The following FBLN5 variants were observed in gnomAD, a reference collection of about 807,000 sequenced individuals.
FBLN5 encodes the protein fibulin-5.
In FBLN5, 24 loss-of-function variants were observed where a neutral mutation model predicts 61.6. That is an observed-to-expected ratio of 0.39 (90% CI 0.28 to 0.55). The LOEUF is 0.55. FBLN5 is among the 20% of genes least tolerant of loss of function. The pLI is 0.65. For missense variants in FBLN5, 470 were observed against 594.1 expected (o/e 0.79, Z 2.17); for synonymous variants, 213 against 219.8 (o/e 0.97, Z 0.27).
intron 4 of FBLN5, among the ~76,000 whole-genome samples, chr14:91,913,637 T>G (rs1316599949): frequency 6.6e-6 from 1 of 152,222 alleles, no homozygotes; most frequent in Non-Finnish European, 1.5e-5. Flanking sequence ...TGAGCAGAGA[T>G]AATTCTTCTA....
At chr14:91,928,154 C>T (rs771252642) in intron 4 of FBLN5, among the ~76,000 whole-genome samples, 2 of 152,246 alleles carry the variant, frequency 1.3e-5, no homozygotes, top group Non-Finnish European at 2.9e-5. Flanking sequence ...TGTCAGCAGG[C>T]ATGTGTGCTG....
intron 10 of FBLN5, among the ~76,000 whole-genome samples, chr14:91,872,081 G>A (rs975675713): frequency 3.9e-5 from 6 of 152,130 alleles, no homozygotes; most frequent in South Asian, 2.1e-4. Context: ...AGGTGGGGGG[G>A]CCCTGGCTGT....
Position 91,882,768 on chromosome 14 carries a change from AGAC to A in FBLN5, c.862+183_862+185del, listed in dbSNP as rs1889536631. On this transcript the variant is annotated intron_variant, in intron 8 of 10. Transcript: ENST00000342058. This position sits in a 1 kb window ranked among gnomAD's most constrained non-coding sequence, Gnocchi z 4.9. Reference sequence around the variant, plus strand: ...CCAAAGGACGGGTTACAGGGAAGGAAGACAACAGGCCAGGCATCCTGCCCAGAG... The same window carrying A: ...CCAAAGGACGGGTTACAGGGAAGGAAAACAGGCCAGGCATCCTGCCCAGAG... Among the ~76,000 whole-genome samples, 1 of 152,212 alleles carries A rather than the reference AGAC, an allele frequency of 6.6e-6. No individual in the cohort carries two copies. The highest frequency in any genetic ancestry group is 1.5e-5 in the Non-Finnish European group (1 of 68,022).
At chr14:91,916,211 C>T (rs939656023) in intron 4 of FBLN5, among the ~76,000 whole-genome samples, 3 of 152,034 alleles carry the variant, frequency 2.0e-5, no homozygotes, top group African/African-American at 4.8e-5. Flanking sequence ...TTTGGGAGGC[C>T]GAGGTAGGTG....
In FBLN5 at chr14:91,947,270, A is replaced by T; in HGVS notation, c.-41T>A. 1 of 1,613,830 alleles carries T rather than the reference A, an allele frequency of 6.2e-7. No individual in the cohort carries two copies. On this transcript the variant is annotated 5_prime_UTR_variant, in exon 1 of 11. Coordinates refer to ENST00000342058, the MANE Select transcript of FBLN5 (RefSeq NM_006329.4). The surrounding 1 kb of genome is among the most constrained non-coding windows in gnomAD (Gnocchi z 4.3). The stretch of plus-strand genomic sequence containing the variant: ...GGAGGAGATGCGAAGGCGAGAAGAA[A>T]GCTCGCGGGCGGGACCCCCGGAGGA...
intron 3 of FBLN5, among the ~76,000 whole-genome samples, chr14:91,938,888 G>A (rs1239128358): frequency 6.6e-6 from 1 of 152,200 alleles, no homozygotes; most frequent in Non-Finnish European, 1.5e-5. Flanking sequence ...CCAGCTTGAA[G>A]CCTGAAGCCA....
intron 5 of FBLN5, among the ~76,000 whole-genome samples, chr14:91,894,581 G>A (rs1287995494): frequency 6.6e-6 from 1 of 151,932 alleles, no homozygotes; most frequent in Admixed American, 6.6e-5. Flanking sequence ...AATTATCTGG[G>A]CGTGGTGGCA....
intron 4 of FBLN5, among the ~76,000 whole-genome samples, chr14:91,919,488 G>A (rs1209220876): frequency 6.6e-6 from 1 of 152,116 alleles, no homozygotes; most frequent in African/African-American, 2.4e-5. Flanking sequence ...AGAGGGCTGT[G>A]TCCTGTGTTA....
chr14:91,888,023 G>C (rs929584234), intron 6 of FBLN5, among the ~76,000 whole-genome samples: 3 of 152,202 alleles, frequency 2.0e-5, no homozygotes, highest in Non-Finnish European at 2.9e-5. Flanking sequence ...GAAGGACCAG[G>C]CATAGTGGCT....
chr14:91,937,318 G>A, intron 3 of FBLN5, 117 bp from the exon 4 acceptor site: 1 of 1,329,388 alleles, frequency 7.5e-7, no homozygotes, highest in Non-Finnish European at 1.1e-6. Flanking sequence ...ACCTAGGGTG[G>A]TCCCAACTCA....
At chr14:91,891,756 T>A (rs1290032694) in intron 5 of FBLN5, among the ~76,000 whole-genome samples, 1 of 152,184 alleles carries the variant, frequency 6.6e-6, no homozygotes, top group Admixed American at 6.5e-5. Flanking sequence ...ATGTTAAGAT[T>A]CAACTCAAAG....
At chr14:91,893,630 C>A (rs1890088042) in intron 5 of FBLN5, among the ~76,000 whole-genome samples, 1 of 152,208 alleles carries the variant, frequency 6.6e-6, no homozygotes, top group African/African-American at 2.4e-5. Context: ...AGAAATCACA[C>A]CCTAGAATTA....
intron 4 of FBLN5, among the ~76,000 whole-genome samples, chr14:91,936,669 A>G (rs1244467676): frequency 6.6e-6 from 1 of 152,248 alleles, no homozygotes; most frequent in Non-Finnish European, 1.5e-5. Context: ...AGTTATAGAT[A>G]GATAGATACA....
At chr14:91,913,806 T>C (rs1424222011) in intron 4 of FBLN5, among the ~76,000 whole-genome samples, 1 of 152,216 alleles carries the variant, frequency 6.6e-6, no homozygotes, top group Non-Finnish European at 1.5e-5. Context: ...AATTAAGTTA[T>C]AAATCAATAA....
intron 4 of FBLN5, among the ~76,000 whole-genome samples, chr14:91,920,555 G>C (rs1338902675): frequency 6.6e-6 from 1 of 152,156 alleles, no homozygotes; most frequent in Non-Finnish European, 1.5e-5. Context: ...GGCCTGCCAG[G>C]TGATCTTGGA....
intron 7 of FBLN5, among the ~76,000 whole-genome samples, chr14:91,886,530 T>G (rs113655279): frequency 6.6e-6 from 1 of 152,230 alleles, no homozygotes; most frequent in East Asian, 1.9e-4. Flanking sequence ...GCAGAAAATC[T>G]TATTTCCTTG....
At chr14:91,909,515 C>T (rs1488603197) in intron 4 of FBLN5, among the ~76,000 whole-genome samples, 1 of 152,120 alleles carries the variant, frequency 6.6e-6, no homozygotes. Flanking sequence ...AACTAAAATT[C>T]TTAGGTCGAT....
At chr14:91,902,277 GTTTGT>G (rs1220743148) in intron 4 of FBLN5, among the ~76,000 whole-genome samples, 2 of 48,808 alleles carry the variant, frequency 4.1e-5, no homozygotes, top group African/African-American at 5.6e-5. Context: ...TTGTTTGTTT[GTTTGT>G]TTTTTTTTTT....
chr14:91,904,469 T>C (rs1364592327), intron 4 of FBLN5, among the ~76,000 whole-genome samples: 2 of 152,230 alleles, frequency 1.3e-5, no homozygotes, highest in African/African-American at 4.8e-5. Context: ...CCAGGGCTGA[T>C]TTGAAAGCAG....
Sources: gnomAD v4.1 joint callset for allele counts (sites outside exome capture counted in the v4.1 genomes callset) on GRCh38, gnomAD v4.1.1 for gene constraint, Gnocchi (gnomAD v3.1) non-coding constraint, MANE v1.5 for transcripts, NCBI Gene and HGNC (gene_info 2026-07-23, HGNC 2026-07-21) for gene names.